The following VAV3 variants were observed in gnomAD, a reference collection of about 807,000 sequenced individuals.
VAV3 encodes the protein guanine nucleotide exchange factor VAV3.
Under a neutral mutation model 131.2 loss-of-function variants are expected in VAV3, and 94 were observed. The observed-to-expected ratio is 0.72, with a 90% confidence interval of 0.61 to 0.85. The LOEUF is 0.85. Among genes scored for constraint, VAV3 ranks in the 40% least tolerant of loss-of-function variants. The pLI is 0.00. For missense variants in VAV3, 939 were observed against 1,002.7 expected, an observed-to-expected ratio of 0.94 and a Z score of 0.86; for synonymous variants, 349 against 342.0, an observed-to-expected ratio of 1.02 and a Z score of -0.22.
At chr1:107,777,117 G>A in intron 4 of VAV3, 114 bp downstream of exon 4, 1 of 926,218 alleles carries the variant, frequency 1.1e-6, no homozygotes, top group East Asian at 2.4e-5. Flanking sequence ...AGGTTAATCA[G>A]TAATTAAGCC....
intron 2 of VAV3, among the ~76,000 whole-genome samples, chr1:107,802,068 C>T (rs549824384): frequency 1.3e-3 from 198 of 152,080 alleles, no homozygotes; most frequent in Non-Finnish European, 2.2e-3. Flanking sequence ...TACAGATCTT[C>T]CACTTCTTTA....
intron 19 of VAV3, among the ~76,000 whole-genome samples, chr1:107,657,781 C>G (rs1177595295): frequency 6.6e-6 from 1 of 152,100 alleles, no homozygotes; most frequent in Non-Finnish European, 1.5e-5. Context: ...TAAAACAGAA[C>G]TGGATATTAA....
chr1:107,790,876 C>G (rs377708717), intron 2 of VAV3, among the ~76,000 whole-genome samples: 2 of 151,604 alleles, frequency 1.3e-5, no homozygotes, highest in Non-Finnish European at 2.9e-5. Context: ...TTACTAGAGA[C>G]GGGGTTTCAC....
At chr1:107,584,619 A>G (rs1210211895) in intron 25 of VAV3, among the ~76,000 whole-genome samples, 1 of 152,216 alleles carries the variant, frequency 6.6e-6, no homozygotes, top group African/African-American at 2.4e-5. Flanking sequence ...GGAATAATTT[A>G]GATTAATTTC....
At chr1:107,959,506 C>T (rs1224410147) in intron 1 of VAV3, among the ~76,000 whole-genome samples, 5 of 152,264 alleles carry the variant, frequency 3.3e-5, no homozygotes, top group Admixed American at 3.3e-4. Flanking sequence ...CCTTATTTCA[C>T]TTGATCAGCA....
intron 19 of VAV3, among the ~76,000 whole-genome samples, chr1:107,658,461 C>G (rs1281980459): frequency 6.6e-6 from 1 of 152,044 alleles, no homozygotes; most frequent in Non-Finnish European, 1.5e-5. Flanking sequence ...TGGGTATATA[C>G]CCAGTAATGG....
intron 1 of VAV3, among the ~76,000 whole-genome samples, chr1:107,875,802 C>T (rs918873328): frequency 2.0e-5 from 3 of 152,280 alleles, no homozygotes; most frequent in East Asian, 3.9e-4. Context: ...AGACATAAGG[C>T]TCTTGCAATA....
chr1:107,595,782 A>G (rs1371019881), intron 25 of VAV3, among the ~76,000 whole-genome samples: 1 of 152,198 alleles, frequency 6.6e-6, no homozygotes, highest in African/African-American at 2.4e-5. Flanking sequence ...AAATTCTTAA[A>G]GTAGTCATTG....
At chr1:107,609,060 A>T (rs1156406290) in intron 22 of VAV3, among the ~76,000 whole-genome samples, 1 of 152,172 alleles carries the variant, frequency 6.6e-6, no homozygotes, top group South Asian at 2.1e-4. Flanking sequence ...ACCACTCACT[A>T]GTTGCATGCT....
At chr1:107,687,777 C>T (rs2494055) in intron 18 of VAV3, among the ~76,000 whole-genome samples, 134,228 of 152,252 alleles carry the variant, frequency 0.88, 59,227 homozygotes, top group Middle Eastern at 0.94. Context: ...CCATCATCTT[C>T]TGTATTTTTT....
At chr1:107,589,556 A>G (rs1032742438) in intron 25 of VAV3, among the ~76,000 whole-genome samples, 3 of 152,252 alleles carry the variant, frequency 2.0e-5, no homozygotes, top group Non-Finnish European at 4.4e-5. Context: ...GAAGGGTGAG[A>G]GAGTAAACTT....
At chr1:107,804,951 T>G (rs1053691147) in intron 2 of VAV3, among the ~76,000 whole-genome samples, 2 of 149,158 alleles carry the variant, frequency 1.3e-5, no homozygotes, top group Admixed American at 6.7e-5. Context: ...GCAGCAGGGG[T>G]GGGGTGGGGG....
At chr1:107,890,329 T>C (rs938366160) in intron 1 of VAV3, among the ~76,000 whole-genome samples, 7 of 152,178 alleles carry the variant, frequency 4.6e-5, no homozygotes, top group African/African-American at 1.7e-4. Context: ...CTTCTGAAAA[T>C]ATTAGCCATA....
intron 17 of VAV3, among the ~76,000 whole-genome samples, chr1:107,694,132 T>C (rs866919265): frequency 1.7e-4 from 26 of 152,202 alleles, no homozygotes; most frequent in African/African-American, 5.5e-4. Context: ...GTTTGTTAGT[T>C]ACCACAGAAC....
intron 1 of VAV3, among the ~76,000 whole-genome samples, chr1:107,944,349 C>G (rs1002237973): frequency 6.6e-6 from 1 of 152,104 alleles, no homozygotes; most frequent in Non-Finnish European, 1.5e-5. Flanking sequence ...AAGTAAGTCT[C>G]AAAGAGAAGA....
At chr1:107,771,322 G>A (rs1458530023) in intron 5 of VAV3, among the ~76,000 whole-genome samples, 5 of 150,470 alleles carry the variant, frequency 3.3e-5, no homozygotes, top group African/African-American at 7.4e-5. Context: ...GCGCGATCTC[G>A]GCTCACTGCA....
chr1:107,605,171 A>G (rs1652169158), intron 22 of VAV3, among the ~76,000 whole-genome samples: 1 of 152,146 alleles, frequency 6.6e-6, no homozygotes, highest in South Asian at 2.1e-4. Flanking sequence ...ACCTCCCAAA[A>G]ATACATTTTT....
intron 4 of VAV3, 110 bp downstream of exon 4, chr1:107,777,121 T>C (rs2102214130): frequency 1.0e-6 from 1 of 962,222 alleles, no homozygotes; most frequent in East Asian, 2.4e-5. Flanking sequence ...TAATCAGTAA[T>C]TAAGCCACTT....
intron 12 of VAV3, among the ~76,000 whole-genome samples, chr1:107,754,283 A>T (rs1453510160): frequency 6.6e-6 from 1 of 152,164 alleles, no homozygotes; most frequent in African/African-American, 2.4e-5. Flanking sequence ...TTGGAAATGC[A>T]ACTATATGAA....
Sources: allele counts gnomAD v4.1 joint callset (sites outside exome capture counted in the v4.1 genomes callset), GRCh38; gene constraint gnomAD v4.1.1; transcripts MANE v1.5; gene names NCBI Gene and HGNC (gene_info 2026-07-23, HGNC 2026-07-21).